The following GATAD1 variants were observed in gnomAD, a reference collection of about 807,000 sequenced individuals.
GATAD1 encodes GATA zinc finger domain-containing protein 1.
Under a neutral mutation model 26.5 loss-of-function variants are expected in GATAD1, and 12 were observed. The observed-to-expected ratio is 0.45, with a 90% confidence interval of 0.29 to 0.73. The LOEUF (loss-of-function observed/expected upper bound fraction) is 0.73, where lower values mean the gene tolerates loss of function less well. Among genes scored for constraint, GATAD1 ranks in the 30% least tolerant of loss-of-function variants. GATAD1 has a pLI of 0.10. For synonymous variants in GATAD1, 129 were observed against 133.1 expected (o/e 0.97, Z 0.21); for missense variants, 266 against 342.1 (o/e 0.78, Z 1.75).
chr7:92,456,492 G>T lies in GATAD1; in HGVS notation c.740G>T (p.Gly247Val). Reference sequence around the variant, plus strand: ...ACAGTTCCCACCAGACCAGAGAAGGGCTACATATGGACTCATGTTGGGCCT... The same window carrying T: ...ACAGTTCCCACCAGACCAGAGAAGGTCTACATATGGACTCATGTTGGGCCT... ...FPTVPTRPEK[G>V]YIWTHVGPTP... The change falls in exon 5 of 5, where the codon GGC becomes GTC. Residue 247 changes from glycine (G) to valine (V), a missense_variant. By Grantham distance (109) the Gly-to-Val change is moderately radical. Coordinates refer to ENST00000287957, the MANE Select transcript of GATAD1 (RefSeq NM_021167.5). The T allele has an allele frequency of 6.2e-7, 1 of 1,612,814 alleles. No individual in the cohort carries two copies. The highest frequency in any genetic ancestry group is 8.5e-7 in the Non-Finnish European group (1 of 1,178,830).
the GATAD1 span, chr7:92,469,398 T>C: frequency 1.3e-6 from 1 of 771,650 alleles, no homozygotes; most frequent in Non-Finnish European, 2.4e-6. Flanking sequence ...CACCTAGCAC[T>C]CCTGCTCCTA....
At position 92,459,271 on chromosome 7, in the gene GATAD1, A is replaced by G. The variant is rs1789826322; in HGVS notation, c.*2709A>G. 1 of 152,206 alleles carries G rather than the reference A, an allele frequency of 6.6e-6. No homozygotes were observed. The highest frequency in any genetic ancestry group is 2.4e-5 in the African/African-American group (1 of 41,462). The allele number at this position is 152,206 out of a possible 1,614,324, so 9.4% of individuals were successfully genotyped here. On this transcript the variant is annotated 3_prime_UTR_variant, in exon 5 of 5. Coordinates refer to ENST00000287957, the MANE Select transcript of GATAD1 (RefSeq NM_021167.5). The stretch of plus-strand genomic sequence containing the variant: ...TGGAGTAGATTCATCATTAATAAGT[A>G]ACAGATTTTAGGAAAATCAAAAAAT...
rs932471141 is a variant in GATAD1, at chr7:92,447,892, A to T, written c.163A>T (p.Ser55Cys). Reference protein sequence around the residue: ...GSGAAGGTGGSGGGGFGAATF... With the variant: ...GSGAAGGTGGCGGGGFGAATF... Reference sequence around the variant, plus strand: ...GGGGGCGGCTGGAGGGACTGGGGGCAGCGGCGGCGGCGGCTTCGGCGCGGC... The same window carrying T: ...GGGGGCGGCTGGAGGGACTGGGGGCTGCGGCGGCGGCGGCTTCGGCGCGGC... The change falls in exon 1 of 5, where the codon AGC becomes TGC. Residue 55 changes from serine (S) to cysteine (C), a missense_variant. Transcript: ENST00000287957. 1.6e-6 allele frequency: 2 copies of T among 1,266,712 alleles called. No homozygotes were observed. Among genetic ancestry groups the T allele is most frequent in the Non-Finnish European group, 2.0e-6 (2 of 1,006,200 alleles). 78.5% of individuals were successfully genotyped at this position (1,266,712 alleles called of 1,614,324 possible). A position where few individuals can be genotyped will look rare whatever the true frequency, so the allele number is the denominator to read the frequency against.
rs758233533 is a variant in GATAD1, at chr7:92,450,740, G to A, written c.415G>A (p.Ala139Thr). The change falls in exon 3 of 5, where the codon GCA becomes ACA. Residue 139 changes from alanine (A) to threonine (T), a missense_variant. Physicochemically the swap from Ala to Thr is moderately conservative, Grantham distance 58. Transcript: ENST00000287957. ...TGAGTCAGTTTCCACTATAATCACT[G>A]CAGAATCAATCTTCTACAAGGTAAG... Reference protein sequence around the residue: ...APESVSTIITAESIFYKGVYY... With the variant: ...APESVSTIITTESIFYKGVYY... 6.2e-7 allele frequency: 1 copy of A among 1,608,342 alleles called. No homozygotes were observed. The highest frequency in any genetic ancestry group is 1.1e-5 in the South Asian group (1 of 90,916).
the GATAD1 span, chr7:92,471,622 A>C: frequency 6.6e-6 from 1 of 152,112 alleles, no homozygotes; most frequent in Non-Finnish European, 1.5e-5. Context: ...AGCATTTCTA[A>C]TGGAGGGTCC....
At chr7:92,465,048 C>G (rs1336021019), downstream of GATAD1, 2 of 152,210 alleles carry the variant, frequency 1.3e-5, no homozygotes, top group African/African-American at 4.8e-5. Context: ...GATTCATATT[C>G]TTTGTAGATG....
chr7:92,494,570 C>T, the GATAD1 span: 106 of 1,613,928 alleles, frequency 6.6e-5, no homozygotes, highest in Non-Finnish European at 8.1e-5. Context: ...ATGACCCCGC[C>T]GAGGAGCAAT....
chr7:92,470,464 C>G, the GATAD1 span: 1 of 608,076 alleles, frequency 1.6e-6, no homozygotes, highest in African/African-American at 1.9e-5. Context: ...ACAGGAATAG[C>G]TAGCGTTGTC....
chr7:92,476,046 C>T, the GATAD1 span, among the ~76,000 whole-genome samples: 1 of 152,182 alleles, frequency 6.6e-6, no homozygotes. Flanking sequence ...TCCTCAATCA[C>T]CTGGGAGGAA....
In GATAD1 at chr7:92,447,919, A is replaced by G. The variant is rs2115837422; in HGVS notation, c.190A>G (p.Thr64Ala). Residue 64 changes from threonine (T) to alanine (A), a missense_variant, in exon 1 of 5, where the codon ACC becomes GCC. Transcript: ENST00000287957. ...GSGGGGFGAATFASTSATPPQ... is the reference protein window; with the variant it reads ...GSGGGGFGAAAFASTSATPPQ... ...CGGCGGCGGCGGCTTCGGCGCGGCG[A>G]CCTTCGCCAGCACCTCCGCCACCCC... 8.0e-7 allele frequency: 1 copy of G among 1,248,666 alleles called. No homozygotes were observed. 77.3% of individuals were successfully genotyped at this position (1,248,666 alleles called of 1,614,324 possible).
At chr7:92,475,889 A>T in the GATAD1 span, among the ~76,000 whole-genome samples, 1 of 152,242 alleles carries the variant, frequency 6.6e-6, no homozygotes, top group Non-Finnish European at 1.5e-5. Flanking sequence ...CAGGATTGAG[A>T]TAGTCTTTTG....
the GATAD1 span, chr7:92,493,108 T>C: frequency 6.2e-7 from 1 of 1,606,134 alleles, no homozygotes; most frequent in Non-Finnish European, 8.5e-7. Context: ...CTGAGGACAT[T>C]TAAAATTTCA....
In GATAD1 at chr7:92,447,706, C is replaced by G; in HGVS notation, c.-24C>G. On this transcript the variant is annotated 5_prime_UTR_variant, in exon 1 of 5. Coordinates refer to ENST00000287957, the MANE Select transcript of GATAD1 (RefSeq NM_021167.5). ...CGCCATTCCCGTGTCTCTGCGCCCG[C>G]GGGGGCCGCCCGAGCCGGCCACCAT... is the stretch of plus-strand genomic sequence containing the variant. 1 of 1,440,300 alleles carries G rather than the reference C, an allele frequency of 6.9e-7. No homozygotes were observed. Among genetic ancestry groups the G allele is most frequent in the Non-Finnish European group, 9.1e-7 (1 of 1,095,734 alleles). The allele number at this position is 1,440,300 out of a possible 1,614,324, so 89.2% of individuals were successfully genotyped here.
At chr7:92,488,782 G>A in the GATAD1 span, among the ~76,000 whole-genome samples, 2 of 147,456 alleles carry the variant, frequency 1.4e-5, no homozygotes, top group African/African-American at 5.0e-5. Context: ...CAGGCTGGAT[G>A]GAGTGCAGTG....
the GATAD1 span, among the ~76,000 whole-genome samples, chr7:92,465,714 T>C: frequency 2.6e-5 from 4 of 151,630 alleles, no homozygotes; most frequent in East Asian, 7.8e-4. Context: ...ACAAAAAAGC[T>C]ACAATCTGCC....
chr7:92,475,984 T>C, the GATAD1 span, among the ~76,000 whole-genome samples: 2 of 152,212 alleles, frequency 1.3e-5, no homozygotes, highest in Admixed American at 1.3e-4. Context: ...TTTCTAACTC[T>C]GCTTCCACAA....
intron 4 of GATAD1, among the ~76,000 whole-genome samples, chr7:92,455,672 A>C (rs1002116654): frequency 6.6e-6 from 1 of 152,228 alleles, no homozygotes. Context: ...GAGAACAAGC[A>C]TAAGTGTGTT....
downstream of GATAD1, among the ~76,000 whole-genome samples, chr7:92,460,216 G>T (rs999453673): frequency 5.3e-5 from 8 of 152,214 alleles, no homozygotes; most frequent in African/African-American, 1.9e-4. Flanking sequence ...TGTGTGTTGT[G>T]TCTACATATA....
chr7:92,486,067 G>A, the GATAD1 span, among the ~76,000 whole-genome samples: 2 of 152,204 alleles, frequency 1.3e-5, no homozygotes, highest in Non-Finnish European at 2.9e-5. Flanking sequence ...AAGATTCATG[G>A]TCAAATTGGC....
Sources: gnomAD v4.1 joint callset for allele counts (sites outside exome capture counted in the v4.1 genomes callset) on GRCh38, gnomAD v4.1.1 for gene constraint, MANE v1.5 for transcripts, NCBI Gene and HGNC (gene_info 2026-07-23, HGNC 2026-07-21) for gene names.